HTR3B: variants seen among roughly 807,000 people sequenced by gnomAD.
The protein encoded by HTR3B is 5-hydroxytryptamine (serotonin) receptor 3B, ionotropic.
In HTR3B, 44 loss-of-function variants were observed where a neutral mutation model predicts 42.8. That is an observed-to-expected ratio of 1.03 (90% CI 0.81 to 1.32). HTR3B has a LOEUF of 1.32. Ranked by LOEUF, HTR3B falls within the 40% of genes most tolerant of loss-of-function variation. The probability of loss-of-function intolerance (pLI) is 0.00; values close to 1 mark genes in which losing one functional copy is unlikely to be tolerated. For synonymous variants in HTR3B, 203 were observed against 209.0 expected, an observed-to-expected ratio of 0.97 and a Z score of 0.25; for missense variants, 527 against 536.5, an observed-to-expected ratio of 0.98 and a Z score of 0.17.
intron 2 of HTR3B, among the ~76,000 whole-genome samples, chr11:113,917,412 C>T (rs1043264438): frequency 2.6e-5 from 4 of 151,928 alleles, no homozygotes; most frequent in Non-Finnish European, 4.4e-5. Context: ...AGATTACAGC[C>T]GTGAGCCACT....
At chr11:113,944,485 A>G in intron 7 of HTR3B, 88 bp from the exon 8 acceptor site, 1 of 1,285,922 alleles carries the variant, frequency 7.8e-7, no homozygotes. Context: ...TGGGCAATAG[A>G]GCAAGACCCT....
chr11:113,926,133 T>A (rs1949968803), intron 2 of HTR3B, among the ~76,000 whole-genome samples: 1 of 152,206 alleles, frequency 6.6e-6, no homozygotes. Context: ...AATGGCTTCT[T>A]ATGACTGATT....
chr11:113,935,916 G>T (rs968355423), intron 6 of HTR3B, among the ~76,000 whole-genome samples: 2 of 152,180 alleles, frequency 1.3e-5, no homozygotes, highest in East Asian at 3.9e-4. Context: ...TAAATCAAGT[G>T]CTCCGGATGC....
chr11:113,924,095 G>A (rs1949943866), intron 2 of HTR3B, among the ~76,000 whole-genome samples: 1 of 152,192 alleles, frequency 6.6e-6, no homozygotes, highest in Non-Finnish European at 1.5e-5. Context: ...CATTCACGGG[G>A]TATGACAGTG....
intron 2 of HTR3B, among the ~76,000 whole-genome samples, chr11:113,920,159 G>C (rs1268104277): frequency 1.3e-5 from 2 of 151,382 alleles, no homozygotes; most frequent in Admixed American, 1.3e-4. Context: ...CTCCCGAGTA[G>C]CTGGGATTAC....
At chr11:113,921,594 G>A (rs976318942) in intron 2 of HTR3B, among the ~76,000 whole-genome samples, 1 of 150,904 alleles carries the variant, frequency 6.6e-6, no homozygotes, top group Admixed American at 6.6e-5. Context: ...ACTCCAACTT[G>A]GCGACAGAAT....
In HTR3B at chr11:113,945,898, A is replaced by C; in HGVS notation, c.1091-4A>C. ...CACCCAGGGTGTTTTCCTCCATCAC[A>C]CAGAGTCCTCGCTGTATGGAGAGCA... is the stretch of plus-strand genomic sequence containing the variant. On this transcript the variant is annotated splice_region_variant and splice_polypyrimidine_tract_variant and intron_variant, in intron 8 of 8. Transcript: ENST00000260191. 1 of 1,610,890 alleles carries C rather than the reference A, an allele frequency of 6.2e-7. No individual in the cohort carries two copies. The highest frequency in any genetic ancestry group is 8.5e-7 in the Non-Finnish European group (1 of 1,177,092).
upstream of HTR3B, among the ~76,000 whole-genome samples, chr11:113,900,708 G>A (rs918701295): frequency 6.6e-6 from 1 of 152,078 alleles, no homozygotes; most frequent in Non-Finnish European, 1.5e-5. Flanking sequence ...GGTCAGGCTG[G>A]TCTCGAACTC....
At chr11:113,903,428 C>CTTTTTTT (rs57289369), upstream of HTR3B, among the ~76,000 whole-genome samples, 2 of 121,102 alleles carry the variant, frequency 1.7e-5, no homozygotes, top group Admixed American at 8.8e-5. Context: ...CTTTTCTTTT[C>CTTTTTTT]TTTTTTTTTT....
In HTR3B at chr11:113,932,934, A is replaced by G; in HGVS notation, c.539-2A>G. On this transcript the variant is annotated splice_acceptor_variant, in intron 5 of 8. Coordinates refer to ENST00000260191, the MANE Select transcript of HTR3B (RefSeq NM_006028.5). LOFTEE classifies it high-confidence loss of function. Reference sequence around the variant, plus strand: ...AAAGTCAATTGTTTGTGTTGTTTGCAGTGGAAGACGTAGACCTGGCCTTTC... The same window carrying G: ...AAAGTCAATTGTTTGTGTTGTTTGCGGTGGAAGACGTAGACCTGGCCTTTC... 6.2e-7 allele frequency: 1 copy of G among 1,613,218 alleles called. No homozygotes were observed. The highest frequency in any genetic ancestry group is 8.5e-7 in the Non-Finnish European group (1 of 1,179,694).
chr11:113,929,328 A>G (rs1950008750), intron 2 of HTR3B, among the ~76,000 whole-genome samples: 1 of 152,158 alleles, frequency 6.6e-6, no homozygotes, highest in Non-Finnish European at 1.5e-5. Flanking sequence ...TAGGTGGCAT[A>G]AACAACAGAA....
chr11:113,901,298 C>T (rs984938246), upstream of HTR3B, among the ~76,000 whole-genome samples: 2 of 152,006 alleles, frequency 1.3e-5, no homozygotes, highest in Non-Finnish European at 2.9e-5. Context: ...AAGAAATTAG[C>T]CAGGTGTGGT....
chr11:113,906,036 G>A (rs1317217917), intron 1 of HTR3B, among the ~76,000 whole-genome samples: 1 of 152,142 alleles, frequency 6.6e-6, no homozygotes, highest in African/African-American at 2.4e-5. Flanking sequence ...AGATAAAATA[G>A]AAAAATGAAG....
chr11:113,933,129 C>T, intron 6 of HTR3B, 36 bp downstream of exon 6: 1 of 1,595,902 alleles, frequency 6.3e-7, no homozygotes, highest in African/African-American at 1.3e-5. Flanking sequence ...TTGCCCGCTT[C>T]TCCCCAGCCT....
At chr11:113,901,777 A>G (rs1257317743), upstream of HTR3B, among the ~76,000 whole-genome samples, 1 of 152,208 alleles carries the variant, frequency 6.6e-6, no homozygotes, top group Non-Finnish European at 1.5e-5. Flanking sequence ...GTGCAAAGAA[A>G]AGGGAGGGAA....
chr11:113,902,276 T>C (rs753057688), upstream of HTR3B, among the ~76,000 whole-genome samples: 24 of 152,128 alleles, frequency 1.6e-4, no homozygotes, highest in Admixed American at 1.6e-3. Context: ...ATCAACATGA[T>C]GTGCCCTGTT....
At chr11:113,924,907 CA>C (rs1229339201) in intron 2 of HTR3B, among the ~76,000 whole-genome samples, 1 of 152,146 alleles carries the variant, frequency 6.6e-6, no homozygotes, top group East Asian at 1.9e-4. Flanking sequence ...ACCACTAAAG[CA>C]GGGCGACTAT....
chr11:113,928,945 T>A (rs185874356), intron 2 of HTR3B, among the ~76,000 whole-genome samples: 21 of 152,362 alleles, frequency 1.4e-4, no homozygotes, highest in Admixed American at 1.2e-3. Context: ...TTCTACCCCT[T>A]GGCTATTGTG....
chr11:113,933,108 A>C lies in HTR3B; in HGVS notation c.696+15A>C. On this transcript the variant is annotated intron_variant, in intron 6 of 8. Coordinates refer to ENST00000260191, the MANE Select transcript of HTR3B (RefSeq NM_006028.5). ...TTCAGTTTAATGTAGGTTCTTTACTACCTGTCCCCGTTGCCCGCTTCTCCC... is the reference window on the plus strand; with the variant it reads ...TTCAGTTTAATGTAGGTTCTTTACTCCCTGTCCCCGTTGCCCGCTTCTCCC... The C allele has an allele frequency of 6.2e-7, 1 of 1,606,906 alleles. No individual in the cohort carries two copies. The highest frequency in any genetic ancestry group is 8.5e-7 in the Non-Finnish European group (1 of 1,175,320).
Sources: allele counts gnomAD v4.1 joint callset (sites outside exome capture counted in the v4.1 genomes callset), GRCh38; gene constraint gnomAD v4.1.1; transcripts MANE v1.5; gene names NCBI Gene and HGNC (gene_info 2026-07-23, HGNC 2026-07-21).